The following CDH20 variants were observed in gnomAD, a reference collection of about 807,000 sequenced individuals.
CDH20 encodes the protein cadherin 20.
Under a neutral mutation model 74.2 loss-of-function variants are expected in CDH20, and 29 were observed. That is an observed-to-expected ratio of 0.39 (90% CI 0.29 to 0.53). The LOEUF (loss-of-function observed/expected upper bound fraction) is 0.53, where lower values mean the gene tolerates loss of function less well. Ranked by LOEUF, CDH20 falls within the 20% of genes least tolerant of loss-of-function variation. The pLI, the probability that CDH20 is intolerant of heterozygous loss-of-function variation, is 0.69. For missense variants in CDH20, 988 were observed against 1,048.3 expected (o/e 0.94, Z 0.79); for synonymous variants, 469 against 405.4 (o/e 1.16, Z -1.88).
At chr18:61,510,980 C>CTTTCTT (rs1555681953) in intron 6 of CDH20, among the ~76,000 whole-genome samples, 6 of 135,998 alleles carry the variant, frequency 4.4e-5, no homozygotes, top group East Asian at 4.4e-4. Context: ...TTCTTTCTTT[C>CTTTCTT]TTTTTTTTTT....
At chr18:61,439,536 G>A (rs1908955859) in intron 1 of CDH20, among the ~76,000 whole-genome samples, 1 of 152,072 alleles carries the variant, frequency 6.6e-6, no homozygotes, top group South Asian at 2.1e-4. Flanking sequence ...AACATGTTGT[G>A]TACAAGGTAA....
intron 6 of CDH20, among the ~76,000 whole-genome samples, chr18:61,524,586 G>A (rs1003637076): frequency 6.6e-6 from 1 of 152,088 alleles, no homozygotes; most frequent in African/African-American, 2.4e-5. Context: ...CAACTGTTGT[G>A]CATCCATACA....
chr18:61,350,835 A>T (rs1163512747), intron 1 of CDH20, among the ~76,000 whole-genome samples: 1 of 152,158 alleles, frequency 6.6e-6, no homozygotes, highest in African/African-American at 2.4e-5. Context: ...GGGAGCAAAG[A>T]CAGAAAGTGC....
At position 61,437,056 on chromosome 18, in the gene CDH20, T is replaced by G. The variant is rs79357879; in HGVS notation, c.-152-53346T>G. Among the ~76,000 whole-genome samples the G allele has an allele frequency of 8.1e-3, 1,233 of 152,250 alleles. 44 individuals carry two copies. The East Asian group carries it at 0.088, about 11-fold the overall frequency. On this transcript the variant is annotated intron_variant, in intron 1 of 11. Transcript: ENST00000262717. ...AACATAGTAGGCACTCAATGAATAA[T>G]GGTTGAATGAATGTACTTAGCACAG...
intron 2 of CDH20, among the ~76,000 whole-genome samples, chr18:61,498,399 C>CAAAAAAAAAAAAAAAAAAAAAAAAA (rs55721858): frequency 6.9e-6 from 1 of 145,386 alleles, no homozygotes; most frequent in Admixed American, 6.9e-5. Context: ...AACTCTGTCT[C>CAAAAAAAAAAAAAAAAAAAAAAAAA]AAAAAAAAAA....
At chr18:61,475,493 T>G (rs1257202330) in intron 1 of CDH20, among the ~76,000 whole-genome samples, 4 of 152,196 alleles carry the variant, frequency 2.6e-5, no homozygotes, top group Non-Finnish European at 4.4e-5. Flanking sequence ...TAGGTTTTAT[T>G]TTATTCATCA....
chr18:61,347,014 G>A (rs148696827), intron 1 of CDH20, among the ~76,000 whole-genome samples: 1,630 of 151,942 alleles, frequency 0.011, 13 homozygotes, highest in Middle Eastern at 0.02. Context: ...ATGGTCCATC[G>A]GTTCTATTTT....
intron 11 of CDH20, 24 bp from the exon 12 acceptor site, chr18:61,554,166 C>G (rs763932337): frequency 6.3e-7 from 1 of 1,594,738 alleles, no homozygotes; most frequent in South Asian, 1.1e-5. Flanking sequence ...TCGGTAAACA[C>G]ACTCTCCTTT....
rs546950715 is a variant in CDH20, at chr18:61,341,240, G to T, written c.-153+7413G>T. ...CCTGGAGGCTGAAGTCCAAGATCAAGGTGCCAGCATGGTCCGTTTCTGGTG... is the reference window on the plus strand; with the variant it reads ...CCTGGAGGCTGAAGTCCAAGATCAATGTGCCAGCATGGTCCGTTTCTGGTG... On this transcript the variant is annotated intron_variant, in intron 1 of 11. Coordinates refer to ENST00000262717, the MANE Select transcript of CDH20 (RefSeq NM_031891.4). 2.0e-5 allele frequency among the ~76,000 whole-genome samples: 3 copies of T among 152,318 alleles called. No individual in the cohort carries two copies. In the South Asian group the frequency reaches 6.2e-4, roughly 32 times the overall value.
At chr18:61,526,730 T>C (rs759934417) in intron 6 of CDH20, among the ~76,000 whole-genome samples, 1 of 152,130 alleles carries the variant, frequency 6.6e-6, no homozygotes, top group Non-Finnish European at 1.5e-5. Context: ...TAAATCAAAA[T>C]AGAGAACAAC....
intron 2 of CDH20, among the ~76,000 whole-genome samples, chr18:61,493,499 C>G (rs1363037621): frequency 2.6e-5 from 4 of 152,148 alleles, no homozygotes; most frequent in Non-Finnish European, 5.9e-5. Context: ...TCACTCAGCC[C>G]TCGTGCACAA....
At chr18:61,535,417 AT>A (rs1470677728) in intron 7 of CDH20, among the ~76,000 whole-genome samples, 3 of 152,232 alleles carry the variant, frequency 2.0e-5, no homozygotes, top group Admixed American at 2.0e-4. Context: ...ATGGCTACAT[AT>A]CAAAATCCCT....
intron 1 of CDH20, among the ~76,000 whole-genome samples, chr18:61,436,115 T>G (rs139989852): frequency 6.6e-6 from 1 of 152,216 alleles, no homozygotes; most frequent in Non-Finnish European, 1.5e-5. Context: ...TTATTTTCAT[T>G]TCTGAATAAT....
At chr18:61,514,367 T>C (rs1473927282) in intron 6 of CDH20, among the ~76,000 whole-genome samples, 1 of 152,240 alleles carries the variant, frequency 6.6e-6, no homozygotes, top group Non-Finnish European at 1.5e-5. Context: ...CTTTAAGCAC[T>C]TCTCTGTATT....
intron 1 of CDH20, among the ~76,000 whole-genome samples, chr18:61,375,376 C>G (rs981943756): frequency 2.6e-5 from 4 of 152,150 alleles, no homozygotes; most frequent in African/African-American, 4.8e-5. Flanking sequence ...AATTTCTGCT[C>G]TAGTTGGAAA....
intron 1 of CDH20, among the ~76,000 whole-genome samples, chr18:61,450,558 A>T (rs918696976): frequency 6.6e-6 from 1 of 152,074 alleles, no homozygotes; most frequent in Non-Finnish European, 1.5e-5. Flanking sequence ...AGCAATTTTT[A>T]CTAAAAAGAA....
chr18:61,421,659 T>C (rs920568118), intron 1 of CDH20, among the ~76,000 whole-genome samples: 5 of 152,084 alleles, frequency 3.3e-5, no homozygotes, highest in Non-Finnish European at 7.4e-5. Context: ...GTCTATAGCA[T>C]AAAAAAGAAT....
intron 5 of CDH20, among the ~76,000 whole-genome samples, chr18:61,504,440 C>CT (rs1351520292): frequency 6.6e-6 from 1 of 152,016 alleles, no homozygotes; most frequent in Non-Finnish European, 1.5e-5. Flanking sequence ...GATTGTACTA[C>CT]TAATAAAAAT....
intron 1 of CDH20, among the ~76,000 whole-genome samples, chr18:61,393,915 A>G (rs948828061): frequency 3.9e-5 from 6 of 152,206 alleles, no homozygotes; most frequent in Admixed American, 3.9e-4. Context: ...TCTAGAACTA[A>G]GATTCCTTAC....
Sources: gnomAD v4.1 joint callset for allele counts (sites outside exome capture counted in the v4.1 genomes callset) on GRCh38, gnomAD v4.1.1 for gene constraint, MANE v1.5 for transcripts, NCBI Gene and HGNC (gene_info 2026-07-23, HGNC 2026-07-21) for gene names.